Variants in CACNB4 observed in about 807,000 individuals in gnomAD.
CACNB4 encodes calcium voltage-gated channel auxiliary subunit beta 4, also known as voltage-dependent L-type calcium channel subunit beta-4.
A neutral mutation model predicts 71.2 loss-of-function variants in CACNB4; 32 were observed. The observed-to-expected ratio is 0.45, with a 90% CI of 0.34 to 0.60. The LOEUF (loss-of-function observed/expected upper bound fraction) is 0.60, where lower values mean the gene tolerates loss of function less well. CACNB4 is among the 20% of genes least tolerant of loss of function. CACNB4 has a pLI of 0.01. For synonymous variants in CACNB4, 231 were observed against 236.9 expected (o/e 0.97, Z 0.23); for missense variants, 464 against 647.9 (o/e 0.72, Z 3.08).
At position 152,012,499 on chromosome 2, in the gene CACNB4, G is replaced by A. The variant is rs562377311; in HGVS notation, c.147+85831C>T. 2.6e-5 allele frequency among the ~76,000 whole-genome samples: 4 copies of A among 152,048 alleles called. No individual in the cohort carries two copies. In the South Asian group the frequency reaches 8.3e-4, roughly 32 times the overall value. On this transcript the variant is annotated intron_variant, in intron 2 of 13. Transcript: ENST00000539935. ...GGCACCTGTATTCCCAGCTACTCAG[G>A]AGGCTGAGGCTGGAGAATTGCTTGA... is the stretch of plus-strand genomic sequence containing the variant.
intron 2 of CACNB4, among the ~76,000 whole-genome samples, chr2:152,035,205 G>A (rs1684490203): frequency 6.6e-6 from 1 of 152,222 alleles, no homozygotes; most frequent in Non-Finnish European, 1.5e-5. Flanking sequence ...TTAAACGGAT[G>A]ATTTTCTTTT....
At chr2:151,876,910 T>C (rs1002082809) in intron 4 of CACNB4, among the ~76,000 whole-genome samples, 16 of 146,678 alleles carry the variant, frequency 1.1e-4, no homozygotes, top group East Asian at 7.8e-4. Flanking sequence ...ATATTGTATA[T>C]GTATATATGT....
At chr2:151,858,918 T>C (rs942716983) in intron 10 of CACNB4, 7 of 152,346 alleles carry the variant, frequency 4.6e-5, no homozygotes, top group African/African-American at 1.7e-4. Context: ...TCCTTGTTCA[T>C]AATTCCACTG....
rs1467590705 is a variant in CACNB4, at chr2:151,883,801, T to C, written c.148-431A>G. 2.0e-5 allele frequency: 5 copies of C among 253,572 alleles called. No homozygotes were observed. In the Admixed American group the frequency reaches 2.1e-4, roughly 10 times the overall value. 15.7% of individuals were successfully genotyped at this position (253,572 alleles called of 1,614,324 possible). A position where few individuals can be genotyped will look rare whatever the true frequency, so the allele number is the denominator to read the frequency against. On this transcript the variant is annotated intron_variant, in intron 2 of 13. Transcript: ENST00000539935. ...CTATGGGTCATCTATTTGTCTAAGATTTCAATATAGTAAAGCATCATCTTA... is the reference window on the plus strand; with the variant it reads ...CTATGGGTCATCTATTTGTCTAAGACTTCAATATAGTAAAGCATCATCTTA...
chr2:152,060,714 G>C (rs1275479020), intron 2 of CACNB4, among the ~76,000 whole-genome samples: 1 of 151,392 alleles, frequency 6.6e-6, no homozygotes, highest in Non-Finnish European at 1.5e-5. Flanking sequence ...CCAGCAACAG[G>C]GGCAAGTTAA....
chr2:151,885,770 T>C (rs2099849205), intron 2 of CACNB4, among the ~76,000 whole-genome samples: 1 of 152,198 alleles, frequency 6.6e-6, no homozygotes, highest in African/African-American at 2.4e-5. Context: ...AATTCTTCTG[T>C]GCAAATCTAC....
At chr2:152,017,257 C>T (rs543494353) in intron 2 of CACNB4, among the ~76,000 whole-genome samples, 26 of 150,178 alleles carry the variant, frequency 1.7e-4, no homozygotes, top group East Asian at 1.5e-3. Context: ...TGTGCACCTG[C>T]ATTTTAACAG....
chr2:152,049,839 T>C (rs890148692), intron 2 of CACNB4, among the ~76,000 whole-genome samples: 5 of 152,258 alleles, frequency 3.3e-5, no homozygotes, highest in African/African-American at 1.2e-4. Context: ...GAAACCATTT[T>C]ATTCCTTTTA....
At chr2:151,859,622 T>C (rs1017196498) in intron 10 of CACNB4, 2 of 152,212 alleles carry the variant, frequency 1.3e-5, no homozygotes, top group African/African-American at 4.8e-5. Context: ...CCTCTGCATG[T>C]GGAAGGCTCT....
chr2:151,833,754 T>A lies in CACNB4; in HGVS notation c.*5365A>T, dbSNP rs908333437. 9.9e-5 allele frequency: 15 copies of A among 152,238 alleles called. No individual in the cohort carries two copies. The highest frequency in any genetic ancestry group is 7.8e-4 in the Admixed American group (12 of 15,298). The allele number at this position is 152,238 out of a possible 1,614,324, so 9.4% of individuals were successfully genotyped here. Reference sequence around the variant, plus strand: ...TTAACGGTGGATTTTGTTATAAGTTTGTGCTATAACAAATGTGCTTCTTTC... The same window carrying A: ...TTAACGGTGGATTTTGTTATAAGTTAGTGCTATAACAAATGTGCTTCTTTC... On this transcript the variant is annotated 3_prime_UTR_variant, in exon 14 of 14. Coordinates refer to ENST00000539935, the MANE Select transcript of CACNB4 (RefSeq NM_000726.5).
intron 2 of CACNB4, among the ~76,000 whole-genome samples, chr2:152,010,665 T>C (rs950702482): frequency 6.6e-6 from 1 of 152,204 alleles, no homozygotes; most frequent in African/African-American, 2.4e-5. Context: ...GGTGCATGGG[T>C]CACTCTGCTA....
chr2:151,944,651 G>A (rs1251837631), intron 2 of CACNB4, among the ~76,000 whole-genome samples: 2 of 152,106 alleles, frequency 1.3e-5, no homozygotes, highest in South Asian at 4.1e-4. Context: ...AATTAGCCAG[G>A]TGTCATGGCA....
chr2:151,990,847 T>C (rs981298616), intron 2 of CACNB4, among the ~76,000 whole-genome samples: 3 of 152,208 alleles, frequency 2.0e-5, no homozygotes, highest in Non-Finnish European at 4.4e-5. Flanking sequence ...AAAATTAGTT[T>C]AATAAGATGA....
chr2:151,909,290 C>T (rs558880658), intron 2 of CACNB4, among the ~76,000 whole-genome samples: 187 of 150,716 alleles, frequency 1.2e-3, no homozygotes, highest in Non-Finnish European at 2.3e-3. Context: ...AAAAAATCAG[C>T]GGGGCATGGT....
At chr2:152,072,822 T>C (rs1431236693) in intron 2 of CACNB4, among the ~76,000 whole-genome samples, 3 of 151,344 alleles carry the variant, frequency 2.0e-5, no homozygotes, top group Admixed American at 2.0e-4. Context: ...TTTTTTTTTT[T>C]GTATTTTTAG....
intron 2 of CACNB4, among the ~76,000 whole-genome samples, chr2:151,943,793 G>GC: frequency 6.6e-6 from 1 of 152,184 alleles, no homozygotes; most frequent in Non-Finnish European, 1.5e-5. Flanking sequence ...GACAACACAT[G>GC]ATAGCCTTAT....
intron 2 of CACNB4, among the ~76,000 whole-genome samples, chr2:152,076,295 C>T (rs1687011950): frequency 6.7e-6 from 1 of 149,728 alleles, no homozygotes; most frequent in Non-Finnish European, 1.5e-5. Flanking sequence ...GCTCCTGACA[C>T]CACACCTGGC....
chr2:151,963,840 G>A (rs1342802257), intron 2 of CACNB4, among the ~76,000 whole-genome samples: 1 of 152,130 alleles, frequency 6.6e-6, no homozygotes, highest in African/African-American at 2.4e-5. Context: ...GGCCGAGGCA[G>A]GTGGATTACC....
intron 2 of CACNB4, among the ~76,000 whole-genome samples, chr2:151,921,892 G>A (rs979135003): frequency 1.1e-4 from 16 of 151,946 alleles, no homozygotes; most frequent in African/African-American, 2.9e-4. Flanking sequence ...TTCGCCTTCC[G>A]CCATGATTCT....
Sources: allele counts gnomAD v4.1 joint callset (sites outside exome capture counted in the v4.1 genomes callset), GRCh38; gene constraint gnomAD v4.1.1; transcripts MANE v1.5; gene names NCBI Gene and HGNC (gene_info 2026-07-23, HGNC 2026-07-21).